Variants in ELAVL3 observed in about 807,000 individuals in gnomAD.
ELAVL3 encodes the protein ELAV-like protein 3.
In ELAVL3, 8 loss-of-function variants were observed where a neutral mutation model predicts 34.2. That is an observed-to-expected ratio of 0.23 (90% CI 0.14 to 0.42). ELAVL3 has a LOEUF of 0.42. Among genes scored for constraint, ELAVL3 ranks in the 10% least tolerant of loss-of-function variants. The probability of loss-of-function intolerance (pLI) is 1.00; values close to 1 mark genes in which losing one functional copy is unlikely to be tolerated. For synonymous variants in ELAVL3, 209 were observed against 222.1 expected (o/e 0.94, Z 0.53); for missense variants, 273 against 518.8 (o/e 0.53, Z 4.60).
At chr19:11,468,522 C>T (rs1971101567) in intron 1 of ELAVL3, among the ~76,000 whole-genome samples, 1 of 151,726 alleles carries the variant, frequency 6.6e-6, no homozygotes, top group African/African-American at 2.4e-5. Flanking sequence ...TCAAGCAATT[C>T]TCCTGCCTCA....
At position 11,477,374 on chromosome 19, in the gene ELAVL3, C is replaced by T. The variant is rs1375962509; in HGVS notation, c.9+3226G>A. On this transcript the variant is annotated intron_variant, in intron 1 of 6. Coordinates refer to ENST00000359227, the MANE Select transcript of ELAVL3 (RefSeq NM_001420.4). ...TGGTACGATCATGGCTCACTGAAGC[C>T]TTAACCTCCTTCTGCCTCAACCTCC... Among the ~76,000 whole-genome samples the T allele has an allele frequency of 2.6e-5, 4 of 152,164 alleles. No homozygotes were observed. In the East Asian group the frequency reaches 7.7e-4, roughly 29 times the overall value.
At chr19:11,479,840 G>A (rs920834196) in intron 1 of ELAVL3, among the ~76,000 whole-genome samples, 151 of 151,802 alleles carry the variant, frequency 9.9e-4, no homozygotes, top group Non-Finnish European at 1.8e-3. Context: ...TTGGCGAGGT[G>A]GGGAGCCTGG....
At position 11,458,085 on chromosome 19, in the gene ELAVL3, A is replaced by G. The variant is rs1480160375; in HGVS notation, c.689T>C (p.Leu230Pro). 1 of 1,613,236 alleles carries G rather than the reference A, an allele frequency of 6.2e-7. No individual in the cohort carries two copies. The highest frequency in any genetic ancestry group is 8.5e-7 in the Non-Finnish European group (1 of 1,180,022). Residue 230 changes from leucine to proline, a missense_variant, in exon 5 of 7, where the codon CTA (leucine) becomes CCA (proline). By Grantham distance (98) the Leu-to-Pro change is moderately conservative. This residue lies in a region of ELAVL3 where 79 missense variants were observed against 108.2 expected (regional missense o/e 0.73). Transcript: ENST00000359227. This position sits in a 1 kb window ranked among gnomAD's most constrained non-coding sequence, Gnocchi z 7.3. ...QSSARRYAGP[L>P]HHQTQRFRLD... is the part of the protein sequence containing the mutation. Reference sequence around the variant, plus strand: ...CCGGAAACGCTGGGTCTGATGGTGTAGGGGGCCTGCGTAGCGCCGGGCGGA... The same window carrying G: ...CCGGAAACGCTGGGTCTGATGGTGTGGGGGGCCTGCGTAGCGCCGGGCGGA...
intron 3 of ELAVL3, among the ~76,000 whole-genome samples, chr19:11,461,839 G>A (rs1317449094): frequency 6.6e-6 from 1 of 152,170 alleles, no homozygotes; most frequent in Admixed American, 6.5e-5. Context: ...TTGGGACAGT[G>A]AGTTGAGACA....
intron 1 of ELAVL3, among the ~76,000 whole-genome samples, chr19:11,475,300 A>T (rs1178370576): frequency 1.3e-5 from 2 of 152,170 alleles, no homozygotes; most frequent in Non-Finnish European, 2.9e-5. Context: ...ATGAATAGGG[A>T]AATTCATTTC....
chr19:11,458,618 G>A lies in ELAVL3; in HGVS notation c.334-7C>T, dbSNP rs1208994294. ...TGGGTCTGGCATAGGACACCTGGGTGAGGGGGTCAGATGGACAGGGGTGAG... is the reference window on the plus strand; with the variant it reads ...TGGGTCTGGCATAGGACACCTGGGTAAGGGGGTCAGATGGACAGGGGTGAG... On this transcript the variant is annotated splice_polypyrimidine_tract_variant and splice_region_variant and intron_variant, in intron 3 of 6. Coordinates refer to ENST00000359227, the MANE Select transcript of ELAVL3 (RefSeq NM_001420.4). The surrounding 1 kb of genome is among the most constrained non-coding windows in gnomAD (Gnocchi z 7.3). 1 of 1,613,228 alleles carries A rather than the reference G, an allele frequency of 6.2e-7. No homozygotes were observed. Among genetic ancestry groups the A allele is most frequent in the Non-Finnish European group, 8.5e-7 (1 of 1,179,960 alleles).
At position 11,480,257 on chromosome 19, in the gene ELAVL3, CTGCGGGG is replaced by C; in HGVS notation, c.9+336_9+342del. 3.4e-6 allele frequency: 1 copy of C among 295,294 alleles called. No homozygotes were observed. The highest frequency in any genetic ancestry group is 6.3e-6 in the Non-Finnish European group (1 of 159,760). 18.3% of individuals were successfully genotyped at this position (295,294 alleles called of 1,614,324 possible). A position where few individuals can be genotyped will look rare whatever the true frequency, so the allele number is the denominator to read the frequency against. On this transcript the variant is annotated intron_variant, in intron 1 of 6. Coordinates refer to ENST00000359227, the MANE Select transcript of ELAVL3 (RefSeq NM_001420.4). This position sits in a 1 kb window ranked among gnomAD's most constrained non-coding sequence, Gnocchi z 6.8. ...CGGGCCCTGCGTTTGCCTGGGCGGC[CTGCGGGG>C]TCTGGGCCTGGATGGAGGAAGCATC...
At chr19:11,469,148 G>A (rs1240656083) in intron 1 of ELAVL3, among the ~76,000 whole-genome samples, 1 of 152,010 alleles carries the variant, frequency 6.6e-6, no homozygotes, top group Non-Finnish European at 1.5e-5. Flanking sequence ...GGCTGGTCTC[G>A]AACTCCTGGG....
At chr19:11,465,761 G>T (rs926670628) in intron 3 of ELAVL3, among the ~76,000 whole-genome samples, 1 of 151,952 alleles carries the variant, frequency 6.6e-6, no homozygotes, top group African/African-American at 2.4e-5. Context: ...GGGGAGGGGC[G>T]TTGCACAAAG....
chr19:11,465,346 GCGTA>G (rs1438284303), intron 3 of ELAVL3, among the ~76,000 whole-genome samples: 3 of 139,006 alleles, frequency 2.2e-5, no homozygotes, highest in African/African-American at 8.5e-5. Context: ...ACACACACAT[GCGTA>G]CACACACACA....
At chr19:11,464,902 CACAA>C (rs1409552523) in intron 3 of ELAVL3, among the ~76,000 whole-genome samples, 7 of 92,230 alleles carry the variant, frequency 7.6e-5, no homozygotes, top group African/African-American at 2.2e-4. Context: ...CCACACACAC[CACAA>C]ACACACACCA....
In ELAVL3 at chr19:11,451,487, GTTTTGTC is replaced by G. The variant is rs1458773508; in HGVS notation, c.*3032_*3038del. 1.4e-4 allele frequency: 12 copies of G among 84,526 alleles called. No individual in the cohort carries two copies. The highest frequency in any genetic ancestry group is 5.3e-4 in the African/African-American group (12 of 22,742). 5.2% of individuals were successfully genotyped at this position (84,526 alleles called of 1,614,324 possible). A position where few individuals can be genotyped will look rare whatever the true frequency, so the allele number is the denominator to read the frequency against. ...GGTTTTTTTTTTTTTTTTGTCTTTTGTTTTGTCTTTTTTTTTTTTTTTTTTTTTACAG... is the reference window on the plus strand; with the variant it reads ...GGTTTTTTTTTTTTTTTTGTCTTTTGTTTTTTTTTTTTTTTTTTTTTACAG... On this transcript the variant is annotated 3_prime_UTR_variant, in exon 7 of 7. Coordinates refer to ENST00000359227, the MANE Select transcript of ELAVL3 (RefSeq NM_001420.4).
At position 11,464,129 on chromosome 19, in the gene ELAVL3, C is replaced by CTCTG. The variant is rs1233488754; in HGVS notation, c.333+2042_333+2043insCAGA. Among the ~76,000 whole-genome samples, 104 of 92,732 alleles carry CTCTG rather than the reference C, an allele frequency of 1.1e-3. 1 individual carries two copies. Among genetic ancestry groups the CTCTG allele is most frequent in the African/African-American group, 6.3e-3 (100 of 15,992 alleles). The allele number at this position is 92,732 out of a possible 152,430, so 60.8% of individuals were successfully genotyped here. A position where few individuals can be genotyped will look rare whatever the true frequency, so the allele number is the denominator to read the frequency against. ...TCTCTCTCTGTCTCTCTCTGTCTCT[C>CTCTG]TCTCTCTCTCTCTCTCTCTCTCTAT... On this transcript the variant is annotated intron_variant, in intron 3 of 6. Coordinates refer to ENST00000359227, the MANE Select transcript of ELAVL3 (RefSeq NM_001420.4).
In ELAVL3 at chr19:11,480,360, G is replaced by C; in HGVS notation, c.9+240C>G. 1 of 413,596 alleles carries C rather than the reference G, an allele frequency of 2.4e-6. No individual in the cohort carries two copies. The highest frequency in any genetic ancestry group is 4.2e-6 in the Non-Finnish European group (1 of 238,210). 25.6% of individuals were successfully genotyped at this position (413,596 alleles called of 1,614,324 possible). A position where few individuals can be genotyped will look rare whatever the true frequency, so the allele number is the denominator to read the frequency against. On this transcript the variant is annotated intron_variant, in intron 1 of 6. Coordinates refer to ENST00000359227, the MANE Select transcript of ELAVL3 (RefSeq NM_001420.4). This position sits in a 1 kb window ranked among gnomAD's most constrained non-coding sequence, Gnocchi z 6.8. ...GCAATCCCGCCTCCAGGGCGGCGTC[G>C]GACGCCTCCCGAATCGCAGTCAGTC...
intron 1 of ELAVL3, among the ~76,000 whole-genome samples, chr19:11,467,133 C>T (rs1208683608): frequency 3.3e-5 from 5 of 152,118 alleles, no homozygotes; most frequent in African/African-American, 1.2e-4. Flanking sequence ...ACACCGGAAA[C>T]GCTTTCACGT....
chr19:11,457,698 G>A (rs115709533), intron 5 of ELAVL3, among the ~76,000 whole-genome samples: 65 of 152,270 alleles, frequency 4.3e-4, no homozygotes, highest in African/African-American at 1.6e-3. Context: ...TTCTCATCGG[G>A]TTGCAGAAAA....
chr19:11,456,536 G>A (rs1489475004), intron 6 of ELAVL3, among the ~76,000 whole-genome samples: 1 of 143,678 alleles, frequency 7.0e-6, no homozygotes, highest in Non-Finnish European at 1.5e-5. Flanking sequence ...TTTCGCTCTT[G>A]TTGCCCAGGC....
chr19:11,465,200 CCA>C (rs1000549220), intron 3 of ELAVL3, among the ~76,000 whole-genome samples: 1 of 115,572 alleles, frequency 8.7e-6, no homozygotes, highest in African/African-American at 3.3e-5. Flanking sequence ...CACCTACACG[CCA>C]CACACATACA....
intron 3 of ELAVL3, among the ~76,000 whole-genome samples, chr19:11,464,151 C>CTCTCTA (rs1215435723): frequency 6.9e-5 from 6 of 86,490 alleles, no homozygotes; most frequent in African/African-American, 1.2e-4. Flanking sequence ...CTCTCTCTCT[C>CTCTCTA]TATATATATA....
Sources: allele counts gnomAD v4.1 joint callset (sites outside exome capture counted in the v4.1 genomes callset), GRCh38; gene constraint gnomAD v4.1.1; regional missense constraint gnomAD v4.1.1; non-coding constraint Gnocchi (gnomAD v3.1); transcripts MANE v1.5; gene names NCBI Gene and HGNC (gene_info 2026-07-23, HGNC 2026-07-21).